The following AKR1C3 variants were observed in gnomAD, a reference collection of about 807,000 sequenced individuals.
The protein encoded by AKR1C3 is 3-alpha hydroxysteroid dehydrogenase, type II.
AKR1C3 carries 48 observed loss-of-function variants against 43.6 expected under a neutral mutation model. The ratio of observed to expected loss-of-function variants is 1.10; its 90% CI spans 0.87 to 1.40. The LOEUF is 1.40. Among genes scored for constraint, AKR1C3 ranks in the 40% most tolerant of loss-of-function variants. The pLI, the probability that AKR1C3 is intolerant of heterozygous loss-of-function variation, is 0.00. For synonymous variants in AKR1C3, 162 were observed against 139.6 expected (o/e 1.16, Z -1.13); for missense variants, 482 against 391.2 (o/e 1.23, Z -1.96).
chr10:5,094,566 A>C, intron 1 of AKR1C3, 38 bp downstream of exon 1: 1 of 1,606,612 alleles, frequency 6.2e-7, no homozygotes, highest in Non-Finnish European at 8.5e-7. Context: ...ATTTCAAAAG[A>C]ATAAACCTAG....
intron 1 of AKR1C3, among the ~76,000 whole-genome samples, chr10:5,078,933 G>A (rs1299268069): frequency 2.0e-5 from 3 of 152,124 alleles, no homozygotes; most frequent in Non-Finnish European, 4.4e-5. Flanking sequence ...CCTTCTTTAA[G>A]GCATTAACAC....
chr10:5,102,686 A>C (rs782515897), intron 7 of AKR1C3, 36 bp downstream of exon 7: 12 of 1,448,652 alleles, frequency 8.3e-6, no homozygotes, highest in Middle Eastern at 2.6e-4. Flanking sequence ...GGTCTCCTGC[A>C]CAGTGTCCTT....
rs191466396 is a variant in AKR1C3 at position 5,082,817 on chromosome 10, T to A, written c.85-13593T>A. Among the ~76,000 whole-genome samples, 1,276 of 152,242 alleles carry A rather than the reference T, an allele frequency of 8.4e-3. 11 individuals carry two copies. Among genetic ancestry groups the A allele is most frequent in the Admixed American group, 0.014 (219 of 15,282 alleles). ...GGATGATACTAGTTTAGTAGAACAATTAGGGAGGAATGTCTCCACATTTTT... is the reference window on the plus strand; with the variant it reads ...GGATGATACTAGTTTAGTAGAACAAATAGGGAGGAATGTCTCCACATTTTT... On this transcript the variant is annotated intron_variant, in intron 1 of 8. Coordinates refer to the AKR1C3 transcript ENST00000439082.
rs76391863 is a variant in AKR1C3 at position 5,099,693 on chromosome 10, T to C, written c.570+244T>C. On this transcript the variant is annotated intron_variant, in intron 5 of 8. Coordinates refer to ENST00000380554, the MANE Select transcript of AKR1C3 (RefSeq NM_003739.6). ...TAATATTTAGGGGAGGTCCATTTGA[T>C]CAGGGAGGCCTGGAATCATCAATTA... The C allele has an allele frequency of 9.6e-3, 5,611 of 586,222 alleles. 240 individuals carry two copies. Among genetic ancestry groups the C allele is most frequent in the African/African-American group, 0.093 (4,962 of 53,562 alleles). 36.3% of individuals were successfully genotyped at this position (586,222 alleles called of 1,614,324 possible). A position where few individuals can be genotyped will look rare whatever the true frequency, so the allele number is the denominator to read the frequency against.
intron 1 of AKR1C3, among the ~76,000 whole-genome samples, chr10:5,079,043 C>T (rs1354440229): frequency 1.3e-5 from 2 of 152,290 alleles, no homozygotes; most frequent in Admixed American, 1.3e-4. Context: ...GGATGGCATG[C>T]TAGACCTTCC....
At chr10:5,101,413 GA>G (rs532244708) in intron 5 of AKR1C3, among the ~76,000 whole-genome samples, 1 of 151,392 alleles carries the variant, frequency 6.6e-6, no homozygotes, top group South Asian at 2.1e-4. Flanking sequence ...ATTTTACTAT[GA>G]AAAAAAATCC....
At chr10:5,090,400 C>G (rs1421830845), upstream of AKR1C3, among the ~76,000 whole-genome samples, 1 of 152,098 alleles carries the variant, frequency 6.6e-6, no homozygotes, top group Non-Finnish European at 1.5e-5. Flanking sequence ...ACATCCCTGT[C>G]TTGGGCCTTG....
intron 1 of AKR1C3, among the ~76,000 whole-genome samples, chr10:5,094,889 T>C (rs1430877613): frequency 6.6e-6 from 1 of 152,152 alleles, no homozygotes; most frequent in Non-Finnish European, 1.5e-5. Flanking sequence ...AATCTTTCCA[T>C]CTTCCAAGAA....
chr10:5,107,223 G>C (rs1839528216), intron 8 of AKR1C3, among the ~76,000 whole-genome samples: 1 of 152,072 alleles, frequency 6.6e-6, no homozygotes, highest in Admixed American at 6.6e-5. Context: ...GAATATACTT[G>C]AATATTTGAC....
chr10:5,053,342 C>T (rs1246859033), intron 1 of AKR1C3, among the ~76,000 whole-genome samples: 2 of 152,240 alleles, frequency 1.3e-5, no homozygotes, highest in African/African-American at 2.4e-5. Flanking sequence ...GCTGCTGGCC[C>T]AGGTGCTAAG....
intron 5 of AKR1C3, 44 bp from the exon 6 acceptor site, chr10:5,102,057 C>T (rs1178867629): frequency 8.3e-7 from 1 of 1,199,030 alleles, no homozygotes; most frequent in Non-Finnish European, 1.2e-6. Context: ...ATTAACATAA[C>T]TATTTCATAT....
At position 5,105,588 on chromosome 10, in the gene AKR1C3, C is replaced by CTGAT. The variant is rs782142258; in HGVS notation, c.847-6_847-3dup. On this transcript the variant is annotated splice_polypyrimidine_tract_variant and splice_region_variant and intron_variant, in intron 7 of 8. Transcript: ENST00000380554. ...TAAAAATAATAAAAGTTTTTTATTT[C>CTGAT]TGATAGGTTTTTGAGTTCCAGTTGA... The CTGAT allele has an allele frequency of 9.3e-6, 15 of 1,610,522 alleles. No homozygotes were observed. Among genetic ancestry groups the CTGAT allele is most frequent in the East Asian group, 6.7e-5 (3 of 44,832 alleles).
chr10:5,076,041 C>T (rs1483962581), intron 1 of AKR1C3, among the ~76,000 whole-genome samples: 2 of 152,090 alleles, frequency 1.3e-5, no homozygotes, highest in Admixed American at 1.3e-4. Context: ...TTTTTGGAAT[C>T]ACCCAGGATC....
rs1554786303 is a variant in AKR1C3, at chr10:5,102,633, A to G, written c.829A>G (p.Ile277Val). Reference protein sequence around the residue: ...VLAKSYNEQRIRQNVQVFEFQ... With the variant: ...VLAKSYNEQRVRQNVQVFEFQ... Reference sequence around the variant, plus strand: ...GGCCAAGAGCTACAATGAGCAGCGCATCAGACAGAACGTGCAGGTGAGGAG... The same window carrying G: ...GGCCAAGAGCTACAATGAGCAGCGCGTCAGACAGAACGTGCAGGTGAGGAG... The change falls in exon 7 of 9, where the codon ATC (isoleucine) becomes GTC (valine). Residue 277 changes from isoleucine to valine, a missense_variant. Ile to Val is a conservative substitution (Grantham distance 29). Transcript: ENST00000380554. The G allele has an allele frequency of 1.4e-6, 2 of 1,481,178 alleles. No individual in the cohort carries two copies. The highest frequency in any genetic ancestry group is 2.8e-5 in the South Asian group (2 of 71,080). The allele number at this position is 1,481,178 out of a possible 1,614,324, so 91.8% of individuals were successfully genotyped here.
intron 1 of AKR1C3, among the ~76,000 whole-genome samples, chr10:5,065,020 A>G (rs1352893734): frequency 1.3e-5 from 2 of 152,218 alleles, no homozygotes; most frequent in East Asian, 1.9e-4. Flanking sequence ...AATGTTCAAC[A>G]TCACTGATCA....
chr10:5,057,253 G>T (rs1554779696), intron 1 of AKR1C3, among the ~76,000 whole-genome samples: 1 of 152,172 alleles, frequency 6.6e-6, no homozygotes, highest in African/African-American at 2.4e-5. Context: ...CAGGTGATGG[G>T]CCTGCTCCAT....
Position 5,102,945 on chromosome 10 carries a change from G to GT in AKR1C3, c.846+295_846+296insT, listed in dbSNP as rs1554786359. Among the ~76,000 whole-genome samples the GT allele has an allele frequency of 1.1e-4, 15 of 135,414 alleles. No homozygotes were observed. The South Asian group carries it at 1.1e-3, about 10-fold the overall frequency. The allele number at this position is 135,414 out of a possible 152,430, so 88.8% of individuals were successfully genotyped here. On this transcript the variant is annotated intron_variant, in intron 7 of 8. Transcript: ENST00000380554. The stretch of plus-strand genomic sequence containing the variant: ...TTTTTCATGTTGTTTGTTTGGTTTT[G>GT]GTTTTTTTTTTTTGAGACAGAGTCT...
intron 5 of AKR1C3, chr10:5,100,009 T>C (rs1588357070): frequency 6.5e-6 from 1 of 153,746 alleles, no homozygotes; most frequent in South Asian, 2.0e-4. Flanking sequence ...AGAGAAAAAT[T>C]AGGCCGGGTG....
intron 1 of AKR1C3, among the ~76,000 whole-genome samples, chr10:5,087,322 C>T (rs1331583608): frequency 1.3e-5 from 2 of 151,406 alleles, no homozygotes; most frequent in Non-Finnish European, 1.5e-5. Flanking sequence ...ACAGGAGTCA[C>T]TGATACTCTC....
Sources: allele counts gnomAD v4.1 joint callset (sites outside exome capture counted in the v4.1 genomes callset), GRCh38; gene constraint gnomAD v4.1.1; transcripts MANE v1.5; gene names NCBI Gene and HGNC (gene_info 2026-07-23, HGNC 2026-07-21).